AQR: variants seen among roughly 807,000 people sequenced by gnomAD.
AQR encodes RNA helicase aquarius.
A neutral mutation model predicts 180.5 loss-of-function variants in AQR; 61 were observed. That is an observed-to-expected ratio of 0.34 (90% CI 0.28 to 0.42). The LOEUF (loss-of-function observed/expected upper bound fraction) is 0.42. Ranked by LOEUF, AQR falls within the 10% of genes least tolerant of loss-of-function variation. AQR has a pLI of 1.00. For missense variants in AQR, 1,281 were observed against 1,798.3 expected, an observed-to-expected ratio of 0.71 and a Z score of 5.20; for synonymous variants, 551 against 588.8, an observed-to-expected ratio of 0.94 and a Z score of 0.93.
chr15:34,881,957 C>T (rs1892978583), intron 27 of AQR, among the ~76,000 whole-genome samples: 1 of 152,096 alleles, frequency 6.6e-6, no homozygotes, highest in South Asian at 2.1e-4. Flanking sequence ...AGGCGTATAC[C>T]ACCATGCTCA....
intron 5 of AQR, among the ~76,000 whole-genome samples, chr15:34,947,464 C>T (rs1289886927): frequency 1.4e-5 from 2 of 145,816 alleles, no homozygotes; most frequent in African/African-American, 5.0e-5. Context: ...GTCCTGTGAC[C>T]CTGCCAAATC....
chr15:34,967,039 G>C (rs1350700449), intron 1 of AQR, among the ~76,000 whole-genome samples: 2 of 151,752 alleles, frequency 1.3e-5, no homozygotes, highest in African/African-American at 2.4e-5. Flanking sequence ...ACCACGTCCG[G>C]CTAATTTTGT....
At position 34,961,263 on chromosome 15, in the gene AQR, C is replaced by T. The variant is rs77976533; in HGVS notation, c.133-449G>A. On this transcript the variant is annotated intron_variant, in intron 2 of 34. Transcript: ENST00000156471. Reference sequence around the variant, plus strand: ...CTTTATCCAAATGAATATGATAGAGCTTCAGAATTTCCATTCATTTGAGTG... The same window carrying T: ...CTTTATCCAAATGAATATGATAGAGTTTCAGAATTTCCATTCATTTGAGTG... Among the ~76,000 whole-genome samples, 1,518 of 152,134 alleles carry T rather than the reference C, an allele frequency of 1.0e-2. 29 individuals carry two copies. The highest frequency in any genetic ancestry group is 0.035 in the African/African-American group (1,453 of 41,504).
Position 34,854,838 on chromosome 15 carries a change from T to TATC in AQR, c.*1951_*1953dup, listed in dbSNP as rs2140454016. The TATC allele has an allele frequency of 6.6e-6, 1 of 152,326 alleles. No homozygotes were observed. Among genetic ancestry groups the TATC allele is most frequent in the African/African-American group, 2.4e-5 (1 of 41,574 alleles). 9.4% of individuals were successfully genotyped at this position (152,326 alleles called of 1,614,324 possible). A position where few individuals can be genotyped will look rare whatever the true frequency, so the allele number is the denominator to read the frequency against. Reference sequence around the variant, plus strand: ...ACAGCCAGCTTATTTTGGTTGCAGGTATCATACCTCATATCCCCTAAGGGA... The same window carrying TATC: ...ACAGCCAGCTTATTTTGGTTGCAGGTATCATCATACCTCATATCCCCTAAGGGA... On this transcript the variant is annotated 3_prime_UTR_variant, in exon 35 of 35. Coordinates refer to ENST00000156471, the MANE Select transcript of AQR (RefSeq NM_014691.3).
intron 17 of AQR, among the ~76,000 whole-genome samples, chr15:34,907,981 C>T (rs1357205956): frequency 6.6e-6 from 1 of 152,134 alleles, no homozygotes; most frequent in Non-Finnish European, 1.5e-5. Context: ...TTGTATCCAC[C>T]CTATCCTAGC....
intron 25 of AQR, among the ~76,000 whole-genome samples, chr15:34,885,884 A>G (rs1242338901): frequency 1.3e-5 from 2 of 152,196 alleles, no homozygotes; most frequent in Non-Finnish European, 2.9e-5. Context: ...AAGAGAACAA[A>G]TGAAGTTATA....
chr15:34,886,811 G>T, intron 24 of AQR, 150 bp from the exon 25 acceptor site: 1 of 849,250 alleles, frequency 1.2e-6, no homozygotes, highest in Non-Finnish European at 1.7e-6. Context: ...GGTAGTTCTT[G>T]GGTTACTTTA....
rs918361356 is a variant in AQR at position 34,920,085 on chromosome 15, G to A, written c.1221+247C>T. On this transcript the variant is annotated intron_variant, in intron 14 of 34. Coordinates refer to ENST00000156471, the MANE Select transcript of AQR (RefSeq NM_014691.3). ...CTGAAAGAGACAATGAAAGTGATTT[G>A]CATATAAATAGTTGCTAATAGAATG... Among the ~76,000 whole-genome samples the A allele has an allele frequency of 3.3e-5, 5 of 152,158 alleles. No individual in the cohort carries two copies. The South Asian group carries it at 1.0e-3, about 32-fold the overall frequency.
intron 20 of AQR, among the ~76,000 whole-genome samples, chr15:34,898,984 G>T (rs966934135): frequency 2.7e-5 from 4 of 149,792 alleles, no homozygotes; most frequent in Admixed American, 1.3e-4. Context: ...TGGCTAACAC[G>T]GTGAAACCCT....
intron 6 of AQR, among the ~76,000 whole-genome samples, chr15:34,942,412 C>T (rs1249461308): frequency 1.3e-5 from 2 of 152,190 alleles, no homozygotes. Flanking sequence ...TGAGCTGATG[C>T]TCTGCTTCAT....
chr15:34,910,073 G>A lies in AQR; in HGVS notation c.1663+62C>T. The A allele has an allele frequency of 1.9e-6, 3 of 1,543,200 alleles. No individual in the cohort carries two copies. The South Asian group carries it at 3.4e-5, about 18-fold the overall frequency. On this transcript the variant is annotated intron_variant, in intron 17 of 34. Transcript: ENST00000156471. ...CATTTAGTAAAAGTACTTTGTTAAT[G>A]CTCTAAGTGAAAGTTCATAACAAGG... is the stretch of plus-strand genomic sequence containing the variant.
chr15:34,897,644 C>T lies in AQR; in HGVS notation c.2305G>A (p.Glu769Lys). 1 of 1,614,082 alleles carries T rather than the reference C, an allele frequency of 6.2e-7. No homozygotes were observed. The change falls in exon 21 of 35, where the codon GAA becomes AAA. Residue 769 changes from glutamate to lysine, a missense_variant. Coordinates refer to ENST00000156471, the MANE Select transcript of AQR (RefSeq NM_014691.3). ...AAGGTTTTTGCTTCCTCGGTGTCTT[C>T]ATCTTCCACATCCGCATCTTTCCTT... ...KKRKDADVED[E>K]DTEEAKTLIV...
At chr15:34,968,001 C>T (rs930557771) in intron 1 of AQR, among the ~76,000 whole-genome samples, 37 of 151,906 alleles carry the variant, frequency 2.4e-4, no homozygotes, top group African/African-American at 8.7e-4. Flanking sequence ...TTAGTAGAGA[C>T]AGGGTTTCTC....
intron 1 of AQR, among the ~76,000 whole-genome samples, chr15:34,966,159 C>T (rs2050308918): frequency 6.6e-6 from 1 of 151,866 alleles, no homozygotes; most frequent in Non-Finnish European, 1.5e-5. Context: ...TACTGAAAGA[C>T]AAAAAAGGAA....
chr15:34,924,262 A>C (rs993900180), intron 13 of AQR, among the ~76,000 whole-genome samples: 1 of 152,200 alleles, frequency 6.6e-6, no homozygotes, highest in African/African-American at 2.4e-5. Context: ...CCAAAACAAT[A>C]TCTCACAACA....
chr15:34,902,943 C>A (rs939907628), intron 19 of AQR, among the ~76,000 whole-genome samples: 1 of 152,056 alleles, frequency 6.6e-6, no homozygotes, highest in Admixed American at 6.5e-5. Context: ...AATTCAGATA[C>A]ATAACAAATG....
At position 34,968,556 on chromosome 15, in the gene AQR, C is replaced by A. The variant is rs150462999; in HGVS notation, c.75+983G>T. Among the ~76,000 whole-genome samples the A allele has an allele frequency of 8.5e-3, 1,288 of 152,270 alleles. 19 individuals carry two copies. The highest frequency in any genetic ancestry group is 0.03 in the African/African-American group (1,239 of 41,552). On this transcript the variant is annotated intron_variant, in intron 1 of 34. Coordinates refer to ENST00000156471, the MANE Select transcript of AQR (RefSeq NM_014691.3). ...TACAGGCGTGAGCCCCTGCGCCCGG[C>A]CGGAAGGCAGAAATTTTAAGAAGGC... is the stretch of plus-strand genomic sequence containing the variant.
chr15:34,933,881 G>A (rs1278801923), intron 10 of AQR, among the ~76,000 whole-genome samples: 1 of 152,180 alleles, frequency 6.6e-6, no homozygotes, highest in Non-Finnish European at 1.5e-5. Context: ...TCCTACTTGG[G>A]AGGCCAAGGT....
chr15:34,916,003 T>G (rs1383376627), intron 15 of AQR, among the ~76,000 whole-genome samples: 1 of 151,928 alleles, frequency 6.6e-6, no homozygotes, highest in Non-Finnish European at 1.5e-5. Flanking sequence ...TATTAATACA[T>G]GTAATCTGCA....
Sources: gnomAD v4.1 joint callset for allele counts (sites outside exome capture counted in the v4.1 genomes callset) on GRCh38, gnomAD v4.1.1 for gene constraint, MANE v1.5 for transcripts, NCBI Gene and HGNC (gene_info 2026-07-23, HGNC 2026-07-21) for gene names.